The following TMEM169 variants were observed in gnomAD, a reference collection of about 807,000 sequenced individuals.
TMEM169 encodes transmembrane protein 169.
A neutral mutation model predicts 27.3 loss-of-function variants in TMEM169; 18 were observed. That is an observed-to-expected ratio of 0.66 (90% CI 0.46 to 0.98). The LOEUF (loss-of-function observed/expected upper bound fraction) is 0.98, where lower values mean the gene tolerates loss of function less well. Ranked by LOEUF, TMEM169 falls within the 50% of genes least tolerant of loss-of-function variation. The probability of loss-of-function intolerance (pLI) is 0.00; values close to 1 mark genes in which losing one functional copy is unlikely to be tolerated. For synonymous variants in TMEM169, 136 were observed against 142.1 expected (o/e 0.96, Z 0.30); for missense variants, 320 against 368.6 (o/e 0.87, Z 1.08).
Position 216,096,143 on chromosome 2 carries a change from G to A in TMEM169, c.180G>A (p.Glu60=), listed in dbSNP as rs1417861723. The A allele has an allele frequency of 6.2e-7, 1 of 1,614,164 alleles. No homozygotes were observed. Among genetic ancestry groups the A allele is most frequent in the Admixed American group, 1.7e-5 (1 of 60,014 alleles). Residue 60 remains glutamate, a synonymous_variant, in exon 2 of 3, where the codon GAG becomes GAA. Transcript: ENST00000437356. ...ESIIIYRSDN[E]KTDEEPGESE... ...TCATCATCTACCGCTCAGACAATGA[G>A]AAAACAGATGAGGAGCCCGGAGAAT...
chr2:216,088,324 C>A (rs1278433393), intron 1 of TMEM169, among the ~76,000 whole-genome samples: 2 of 152,064 alleles, frequency 1.3e-5, no homozygotes, highest in Non-Finnish European at 2.9e-5. Context: ...ATTAGCCGGG[C>A]GTGGTGGTGG....
At chr2:216,096,835 A>T (rs1696275262) in intron 2 of TMEM169, among the ~76,000 whole-genome samples, 1 of 152,266 alleles carries the variant, frequency 6.6e-6, no homozygotes, top group Non-Finnish European at 1.5e-5. Context: ...TACTTAATGT[A>T]TGTAAAATAA....
At chr2:216,095,348 A>G (rs572086369) in intron 1 of TMEM169, among the ~76,000 whole-genome samples, 2 of 152,056 alleles carry the variant, frequency 1.3e-5, no homozygotes, top group East Asian at 3.9e-4. Flanking sequence ...TCGGCCTCTC[A>G]AAGTGCTGGG....
intron 1 of TMEM169, among the ~76,000 whole-genome samples, chr2:216,088,168 AAAAC>A (rs1308757425): frequency 1.1e-4 from 16 of 150,512 alleles, no homozygotes; most frequent in Admixed American, 4.6e-4. Context: ...AAAAAAAAAA[AAAAC>A]AAACAGGCCG....
rs1696422597 is a variant in TMEM169 at position 216,102,666 on chromosome 2, A to T, written c.*2124A>T. On this transcript the variant is annotated 3_prime_UTR_variant, in exon 3 of 3. Coordinates refer to ENST00000437356, the MANE Select transcript of TMEM169 (RefSeq NM_001142311.2). The stretch of plus-strand genomic sequence containing the variant: ...TAACTATTATTAGCTTGACAAGAAA[A>T]AAAAAGTGCCCAACAGTTTTAGTGT... 6.6e-6 allele frequency: 1 copy of T among 152,478 alleles called. No homozygotes were observed. The highest frequency in any genetic ancestry group is 2.4e-5 in the African/African-American group (1 of 41,370). The allele number at this position is 152,478 out of a possible 1,614,324, so 9.4% of individuals were successfully genotyped here.
chr2:216,101,830 AC>A lies in TMEM169; in HGVS notation c.*1293del, dbSNP rs1696402927. ...CAATGATCATTTAAATACATTCAGA[AC>A]CCCCAAACTGCTAATATGGTTTTAT... On this transcript the variant is annotated 3_prime_UTR_variant, in exon 3 of 3. Coordinates refer to ENST00000437356, the MANE Select transcript of TMEM169 (RefSeq NM_001142311.2). The A allele has an allele frequency of 6.6e-6, 1 of 151,066 alleles. No individual in the cohort carries two copies. The highest frequency in any genetic ancestry group is 1.5e-5 in the Non-Finnish European group (1 of 67,660). 9.4% of individuals were successfully genotyped at this position (151,066 alleles called of 1,614,324 possible).
At chr2:216,095,443 A>G (rs944044605) in intron 1 of TMEM169, among the ~76,000 whole-genome samples, 2 of 152,054 alleles carry the variant, frequency 1.3e-5, no homozygotes, top group African/African-American at 4.8e-5. Context: ...CAACTTCCTT[A>G]TACTCTGCAT....
At chr2:216,085,309 G>A (rs1465384964) in intron 1 of TMEM169, among the ~76,000 whole-genome samples, 1 of 152,080 alleles carries the variant, frequency 6.6e-6, no homozygotes, top group Non-Finnish European at 1.5e-5. Context: ...TACTCGGTAG[G>A]AGAATCAGGT....
intron 1 of TMEM169, among the ~76,000 whole-genome samples, chr2:216,086,091 G>A (rs1695990077): frequency 6.6e-6 from 1 of 151,550 alleles, no homozygotes. Flanking sequence ...CTGAGGCAGA[G>A]TCTCACTCTG....
rs1236607444 is a variant in TMEM169, at chr2:216,100,307, C to T, written c.659C>T (p.Ala220Val). The stretch of plus-strand genomic sequence containing the variant: ...CTCTTCTATCCAGTGCTCATCATGG[C>T]CATGGCTTCTTCCCTCGGCCTCTAC... ...LVLFYPVLIM[A>V]MASSLGLYAA... is the part of the protein sequence containing the mutation. The change falls in exon 3 of 3, where the codon GCC (alanine) becomes GTC (valine). Residue 220 changes from alanine (A) to valine (V), a missense_variant. Physicochemically the swap from Ala to Val is moderately conservative, Grantham distance 64. Transcript: ENST00000437356. 3.7e-6 allele frequency: 6 copies of T among 1,613,826 alleles called. No individual in the cohort carries two copies. Among genetic ancestry groups the T allele is most frequent in the Non-Finnish European group, 5.1e-6 (6 of 1,180,010 alleles).
intron 1 of TMEM169, among the ~76,000 whole-genome samples, chr2:216,088,698 T>C (rs1335853668): frequency 2.0e-5 from 3 of 152,248 alleles, no homozygotes; most frequent in Non-Finnish European, 4.4e-5. Flanking sequence ...TAAATATTTT[T>C]TGAATGTGTA....
chr2:216,084,208 C>A (rs1170203081), intron 1 of TMEM169, among the ~76,000 whole-genome samples: 1 of 151,878 alleles, frequency 6.6e-6, no homozygotes, highest in South Asian at 2.1e-4. Flanking sequence ...TTATTTTCTC[C>A]CCTCTGCAAA....
chr2:216,087,842 C>T (rs796534040), intron 1 of TMEM169, among the ~76,000 whole-genome samples: 4 of 152,280 alleles, frequency 2.6e-5, no homozygotes, highest in African/African-American at 9.6e-5. Flanking sequence ...TCCTCTTCTG[C>T]AAAATAATAC....
intron 1 of TMEM169, among the ~76,000 whole-genome samples, chr2:216,092,722 G>A (rs773301773): frequency 2.6e-5 from 4 of 152,044 alleles, no homozygotes; most frequent in East Asian, 1.9e-4. Flanking sequence ...TAATCTCCTC[G>A]GGGTCTCAAC....
At chr2:216,089,064 A>G (rs1408084423) in intron 1 of TMEM169, among the ~76,000 whole-genome samples, 2 of 152,228 alleles carry the variant, frequency 1.3e-5, no homozygotes, top group African/African-American at 4.8e-5. Flanking sequence ...ATAGAGGACA[A>G]TGAATTAAGA....
Position 216,099,931 on chromosome 2 carries a change from C to A in TMEM169, c.283C>A (p.Leu95Met), listed in dbSNP as rs1473171273. 6.2e-7 allele frequency: 1 copy of A among 1,612,008 alleles called. No individual in the cohort carries two copies. Among genetic ancestry groups the A allele is most frequent in the African/African-American group, 1.3e-5 (1 of 74,776 alleles). Residue 95 changes from leucine (L) to methionine (M), a missense_variant, in exon 3 of 3, where the codon CTG becomes ATG. Physicochemically the swap from Leu to Met is conservative, Grantham distance 15 (BLOSUM62 2). Coordinates refer to ENST00000437356, the MANE Select transcript of TMEM169 (RefSeq NM_001142311.2). This position sits in a 1 kb window ranked among gnomAD's most constrained non-coding sequence, Gnocchi z 5.0. Reference sequence around the variant, plus strand: ...TTTGTACCCTGCAGATATGTGGAACCTGCCTCTGGACAGCCGCTACGTCAC... The same window carrying A: ...TTTGTACCCTGCAGATATGTGGAACATGCCTCTGGACAGCCGCTACGTCAC... ...DYPVDDDMWN[L>M]PLDSRYVTLT...
intron 1 of TMEM169, among the ~76,000 whole-genome samples, chr2:216,085,052 C>T (rs1439363369): frequency 6.6e-6 from 1 of 152,134 alleles, no homozygotes; most frequent in African/African-American, 2.4e-5. Flanking sequence ...GCAGTGGCAG[C>T]GATCTCGGCT....
Position 216,100,815 on chromosome 2 carries a change from C to A in TMEM169, c.*273C>A. On this transcript the variant is annotated 3_prime_UTR_variant, in exon 3 of 3. Transcript: ENST00000437356. ...AGGACAATGGAACTCTGCTGTGTGT[C>A]GTTTTGGGAGCCTGGAAGTGTTACT... is the stretch of plus-strand genomic sequence containing the variant. The A allele has an allele frequency of 2.2e-6, 1 of 460,572 alleles. No individual in the cohort carries two copies. The highest frequency in any genetic ancestry group is 4.0e-6 in the Non-Finnish European group (1 of 252,130). The allele number at this position is 460,572 out of a possible 1,614,324, so 28.5% of individuals were successfully genotyped here.
intron 1 of TMEM169, among the ~76,000 whole-genome samples, chr2:216,094,176 C>G (rs1425118): frequency 0.19 from 29,498 of 152,018 alleles, 2,935 homozygotes; most frequent in South Asian, 0.25. Flanking sequence ...TGTACAGCCT[C>G]GAGGAGTGTG....
Sources: gnomAD v4.1 joint callset for allele counts (sites outside exome capture counted in the v4.1 genomes callset) on GRCh38, gnomAD v4.1.1 for gene constraint, Gnocchi (gnomAD v3.1) non-coding constraint, MANE v1.5 for transcripts, NCBI Gene and HGNC (gene_info 2026-07-23, HGNC 2026-07-21) for gene names.